The following IL18 variants were observed in gnomAD, a reference collection of about 807,000 sequenced individuals.
The protein encoded by IL18 is interleukin 18, also known as interleukin-18.
In IL18, 8 loss-of-function variants were observed where a neutral mutation model predicts 14.2. The ratio of observed to expected loss-of-function variants is 0.56; its 90% CI spans 0.33 to 1.01. IL18 has a LOEUF of 1.01. Ranked by LOEUF, IL18 falls within the 50% of genes least tolerant of loss-of-function variation. IL18 has a pLI of 0.03. For synonymous variants in IL18, 67 were observed against 71.0 expected, an observed-to-expected ratio of 0.94 and a Z score of 0.28; for missense variants, 166 against 231.1, an observed-to-expected ratio of 0.72 and a Z score of 1.83.
intron 5 of IL18, among the ~76,000 whole-genome samples, chr11:112,144,952 C>G (rs542369509): frequency 6.6e-6 from 1 of 152,306 alleles, no homozygotes; most frequent in South Asian, 2.1e-4. Context: ...TGCAGCATGT[C>G]TATTTTGCAG....
chr11:112,146,930 T>TTTTTTTTTTTTTTTTTTTTC, intron 5 of IL18, among the ~76,000 whole-genome samples: 1 of 81,030 alleles, frequency 1.2e-5, no homozygotes, highest in Non-Finnish European at 3.0e-5. Context: ...AATTTTACTT[T>TTTTTTTTTTTTTTTTTTTTC]TTTTTTTTTT....
intron 1 of IL18, among the ~76,000 whole-genome samples, chr11:112,161,537 G>GAAAAA (rs1866632340): frequency 6.6e-6 from 1 of 152,178 alleles, no homozygotes; most frequent in African/African-American, 2.4e-5. Flanking sequence ...GGTGGCTTAT[G>GAAAAA]CCTGTAATAC....
In IL18 at chr11:112,150,136, T is replaced by G; in HGVS notation, c.162A>C (p.Gln54His). 1 of 1,608,758 alleles carries G rather than the reference T, an allele frequency of 6.2e-7. No individual in the cohort carries two copies. Among genetic ancestry groups the G allele is most frequent in the Non-Finnish European group, 8.5e-7 (1 of 1,175,494 alleles). ...KLSVIRNLNDQVLFIDQGNRP... is the reference protein window; with the variant it reads ...KLSVIRNLNDHVLFIDQGNRP... ...GATTTCCTTGGTCAATGAAGAGAAC[T>G]TGGTCATTCAAATTTCTTATGACTG... Residue 54 changes from glutamine (Q) to histidine (H), a missense_variant, in exon 4 of 6, where the codon CAA (glutamine) becomes CAC (histidine). By Grantham distance (24) the Gln-to-His change is conservative. Coordinates refer to ENST00000280357, the MANE Select transcript of IL18 (RefSeq NM_001562.4).
chr11:112,146,844 C>G (rs1447191128), intron 5 of IL18, among the ~76,000 whole-genome samples: 1 of 150,400 alleles, frequency 6.6e-6, no homozygotes, highest in Non-Finnish European at 1.5e-5. Context: ...TTGCACAGAT[C>G]TCTTCCAGCC....
At chr11:112,163,503 T>C (rs1265090503) in intron 1 of IL18, among the ~76,000 whole-genome samples, 2 of 152,302 alleles carry the variant, frequency 1.3e-5, no homozygotes, top group South Asian at 4.1e-4. Flanking sequence ...ATAGTCTGAA[T>C]GCAAAGCAGA....
intron 5 of IL18, among the ~76,000 whole-genome samples, chr11:112,146,927 CTTTTTTT>C (rs36051933): frequency 5.6e-5 from 7 of 125,362 alleles, no homozygotes; most frequent in Non-Finnish European, 8.3e-5. Context: ...GGTAATTTTA[CTTTTTTT>C]TTTTTTTTTT....
At chr11:112,155,101 T>A in intron 1 of IL18, 40 bp from the exon 2 acceptor site, 2 of 1,306,894 alleles carry the variant, frequency 1.5e-6, no homozygotes, top group Non-Finnish European at 2.2e-6. Context: ...AGACAATGAT[T>A]GTACCTTTTA....
At position 112,148,575 on chromosome 11, in the gene IL18, T is replaced by C. The variant is rs201248108; in HGVS notation, c.360+28A>G. ...AATTATATTAATTATATTAACATGA[T>C]TGAAAACAAAGTAAGGCTCAGTCTT... On this transcript the variant is annotated intron_variant, in intron 5 of 5. Coordinates refer to ENST00000280357, the MANE Select transcript of IL18 (RefSeq NM_001562.4). 98 of 1,243,940 alleles carry C rather than the reference T, an allele frequency of 7.9e-5. No individual in the cohort carries two copies. The East Asian group carries it at 1.2e-3, about 15-fold the overall frequency. 77.1% of individuals were successfully genotyped at this position (1,243,940 alleles called of 1,614,324 possible). A position where few individuals can be genotyped will look rare whatever the true frequency, so the allele number is the denominator to read the frequency against.
chr11:112,143,744 T>C lies in IL18; in HGVS notation c.434A>G (p.His145Arg). The change falls in exon 6 of 6, where the codon CAT becomes CGT. Residue 145 changes from histidine to arginine, a missense_variant. Transcript: ENST00000280357. ...IIFFQRSVPG[H>R]DNKMQFESSS... Reference sequence around the variant, plus strand: ...AGATTCAAATTGCATCTTATTATCATGTCCTGGGACACTTCTCTGAAAGAA... The same window carrying C: ...AGATTCAAATTGCATCTTATTATCACGTCCTGGGACACTTCTCTGAAAGAA... The C allele has an allele frequency of 1.2e-6, 2 of 1,613,016 alleles. No homozygotes were observed. Among genetic ancestry groups the C allele is most frequent in the South Asian group, 2.2e-5 (2 of 91,058 alleles).
chr11:112,160,175 T>G (rs533897184), intron 1 of IL18, among the ~76,000 whole-genome samples: 1 of 152,142 alleles, frequency 6.6e-6, no homozygotes, highest in African/African-American at 2.4e-5. Flanking sequence ...CCAACAGCAC[T>G]GTTTTAAATC....
chr11:112,154,885 A>C (rs1048509032), intron 2 of IL18, 90 bp downstream of exon 2: 3 of 768,612 alleles, frequency 3.9e-6, no homozygotes, highest in African/African-American at 1.7e-5. Flanking sequence ...TGGTGACAAA[A>C]AGAGTCACTT....
At chr11:112,162,206 A>C (rs1291164875) in intron 1 of IL18, among the ~76,000 whole-genome samples, 1 of 152,152 alleles carries the variant, frequency 6.6e-6, no homozygotes, top group Non-Finnish European at 1.5e-5. Flanking sequence ...TGAAAAGGAG[A>C]ATTGAGTTGA....
At chr11:112,150,490 A>G (rs1302266962) in intron 3 of IL18, 1 of 236,420 alleles carries the variant, frequency 4.2e-6, no homozygotes, top group Non-Finnish European at 8.3e-6. Flanking sequence ...CTCCAACTCT[A>G]TGTGTTCTTA....
chr11:112,163,386 G>C (rs1866666945), intron 1 of IL18, among the ~76,000 whole-genome samples: 1 of 152,166 alleles, frequency 6.6e-6, no homozygotes, highest in African/African-American at 2.4e-5. Flanking sequence ...AGTTCCTAAA[G>C]TGAAAGCTAT....
At chr11:112,146,214 C>T (rs1389954712) in intron 5 of IL18, among the ~76,000 whole-genome samples, 1 of 152,070 alleles carries the variant, frequency 6.6e-6, no homozygotes, top group Non-Finnish European at 1.5e-5. Context: ...AGTAACCTCT[C>T]AAAGCAAATC....
chr11:112,154,330 G>T (rs778046967), intron 2 of IL18, among the ~76,000 whole-genome samples: 10 of 152,096 alleles, frequency 6.6e-5, no homozygotes, highest in Admixed American at 1.3e-4. Flanking sequence ...TTCAAGACCA[G>T]CCTGGACAAC....
At chr11:112,153,309 AT>A (rs1471800067) in intron 3 of IL18, 1 of 311,178 alleles carries the variant, frequency 3.2e-6, no homozygotes, top group African/African-American at 2.1e-5. Context: ...CCATGACTTC[AT>A]GCTAATCTTA....
At chr11:112,152,055 G>C (rs1866448855) in intron 3 of IL18, among the ~76,000 whole-genome samples, 1 of 152,062 alleles carries the variant, frequency 6.6e-6, no homozygotes, top group Non-Finnish European at 1.5e-5. Context: ...TCTTTGTCCT[G>C]AACTCAGAAC....
intron 5 of IL18, 120 bp from the exon 6 acceptor site, chr11:112,143,937 TA>T (rs532583543): frequency 1.2e-5 from 8 of 659,042 alleles, no homozygotes; most frequent in Admixed American, 3.0e-5. Context: ...AAGAGTTACA[TA>T]AAAAAAATCT....
Sources: gnomAD v4.1 joint callset for allele counts (sites outside exome capture counted in the v4.1 genomes callset) on GRCh38, gnomAD v4.1.1 for gene constraint, MANE v1.5 for transcripts, NCBI Gene and HGNC (gene_info 2026-07-23, HGNC 2026-07-21) for gene names.